PPP2R5C: variants seen among roughly 807,000 people sequenced by gnomAD.
The protein encoded by PPP2R5C is protein phosphatase 2 regulatory subunit B'gamma.
PPP2R5C carries 7 observed loss-of-function variants against 68.9 expected under a neutral mutation model. That is an observed-to-expected ratio of 0.10 (90% CI 0.06 to 0.19). The LOEUF is 0.19. PPP2R5C is among the 10% of genes least tolerant of loss of function. The pLI is 1.00. For synonymous variants in PPP2R5C, 210 were observed against 222.2 expected (o/e 0.95, Z 0.49); for missense variants, 348 against 641.3 (o/e 0.54, Z 4.94).
intron 1 of PPP2R5C, chr14:101,819,068 G>T: frequency 1.3e-6 from 2 of 1,550,910 alleles, no homozygotes; most frequent in Non-Finnish European, 1.7e-6. Flanking sequence ...CTTATTTTTG[G>T]TGGGCTTCAA....
chr14:101,884,538 G>A (rs774449730), intron 5 of PPP2R5C, among the ~76,000 whole-genome samples: 5 of 152,220 alleles, frequency 3.3e-5, no homozygotes, highest in Non-Finnish European at 7.3e-5. Context: ...TGTGCACCTC[G>A]GTTAAAGGTT....
intron 2 of PPP2R5C, among the ~76,000 whole-genome samples, chr14:101,871,218 T>G (rs942607771): frequency 7.9e-6 from 1 of 127,068 alleles, no homozygotes; most frequent in African/African-American, 4.1e-5. Context: ...GGTTTTTTTT[T>G]GTTTTGGTTT....
At chr14:101,786,077 A>G (rs1360542497) in exon 3 of PPP2R5C, 9 of 1,558,514 alleles carry the variant, frequency 5.8e-6, no homozygotes, top group Non-Finnish European at 7.8e-6. Context: ...CTGCTAAAAT[A>G]AAAGTACCAG....
intron 1 of PPP2R5C, chr14:101,810,109 A>C: frequency 7.2e-7 from 1 of 1,390,218 alleles, no homozygotes; most frequent in South Asian, 1.2e-5. Context: ...TGCTTCAGAT[A>C]AGAAAAGCAG....
chr14:101,887,869 G>A (rs112306659), intron 5 of PPP2R5C, among the ~76,000 whole-genome samples: 184 of 152,288 alleles, frequency 1.2e-3, no homozygotes, highest in Admixed American at 4.6e-3. Context: ...TCCCAGCTTA[G>A]TGTCTGGGGG....
At position 101,872,274 on chromosome 14, in the gene PPP2R5C, T is replaced by C. The variant is rs866622553; in HGVS notation, c.295-9887T>C. Among the ~76,000 whole-genome samples, 150 of 135,056 alleles carry C rather than the reference T, an allele frequency of 1.1e-3. 1 individual carries two copies. Among genetic ancestry groups the C allele is most frequent in the African/African-American group, 4.4e-3 (148 of 34,014 alleles). The allele number at this position is 135,056 out of a possible 152,430, so 88.6% of individuals were successfully genotyped here. On this transcript the variant is annotated intron_variant, in intron 2 of 13. Coordinates refer to ENST00000334743, the Ensembl canonical transcript of PPP2R5C. The stretch of plus-strand genomic sequence containing the variant: ...GGTCTTGCTCTGTTACCCAGGCCAG[T>C]GTATAGTGGTGCAATCACGGCTCAC...
intron 1 of PPP2R5C, among the ~76,000 whole-genome samples, chr14:101,854,491 A>G (rs1484994495): frequency 1.3e-5 from 2 of 152,244 alleles, no homozygotes; most frequent in Non-Finnish European, 2.9e-5. Context: ...TGACTTGCTC[A>G]GAGTCATACA....
chr14:101,820,117 A>G (rs952899971), intron 1 of PPP2R5C: 13 of 152,228 alleles, frequency 8.5e-5, no homozygotes, highest in African/African-American at 2.7e-4. Context: ...AACAAAAAGC[A>G]GACAAACTGT....
rs116371956 is a variant in PPP2R5C at position 101,877,622 on chromosome 14, C to T, written c.295-4539C>T. On this transcript the variant is annotated intron_variant, in intron 2 of 13. Transcript: ENST00000334743. The surrounding 1 kb of genome is among the most constrained non-coding windows in gnomAD (Gnocchi z 4.2). ...CAGGTTTCTGTACCTGGGGCTCCTG[C>T]CCCTGATTCGCCCCTGCAGCTTTTG... Among the ~76,000 whole-genome samples, 1,936 of 152,256 alleles carry T rather than the reference C, an allele frequency of 0.013. 39 individuals carry two copies. The highest frequency in any genetic ancestry group is 0.038 in the African/African-American group (1,587 of 41,532).
intron 8 of PPP2R5C, among the ~76,000 whole-genome samples, chr14:101,897,596 G>A (rs901106165): frequency 8.6e-5 from 13 of 151,930 alleles, no homozygotes; most frequent in Non-Finnish European, 1.9e-4. Context: ...GTCTTTTCAC[G>A]TTCTTCTGCC....
chr14:101,912,287 G>C (rs1458340576), intron 11 of PPP2R5C, 114 bp from the exon 14 acceptor site: 3 of 761,660 alleles, frequency 3.9e-6, no homozygotes, highest in South Asian at 2.7e-5. Context: ...AATGGAGCAG[G>C]GGGGCTGCGG....
In PPP2R5C at chr14:101,879,664, G is replaced by A. The variant is rs987761659; in HGVS notation, c.295-2497G>A. Among the ~76,000 whole-genome samples the A allele has an allele frequency of 3.3e-5, 5 of 152,162 alleles. No individual in the cohort carries two copies. The highest frequency in any genetic ancestry group is 2.9e-5 in the Non-Finnish European group (2 of 68,030). On this transcript the variant is annotated intron_variant, in intron 2 of 13. Coordinates refer to ENST00000334743, the Ensembl canonical transcript of PPP2R5C. The surrounding 1 kb of genome is among the most constrained non-coding windows in gnomAD (Gnocchi z 4.2). ...GCCGGGCCCACAGCTCTAACCCACC[G>A]AAGAACAAAGTGCCATCTCCCTTTC...
At chr14:101,831,103 G>C (rs2040707137) in intron 1 of PPP2R5C, among the ~76,000 whole-genome samples, 1 of 152,152 alleles carries the variant, frequency 6.6e-6, no homozygotes, top group African/African-American at 2.4e-5. Flanking sequence ...GCTACATGGG[G>C]ACATTAACAG....
intron 3 of PPP2R5C, among the ~76,000 whole-genome samples, chr14:101,802,951 T>TA (rs571594853): frequency 0.018 from 1,753 of 99,734 alleles, 29 homozygotes; most frequent in African/African-American, 0.024. Flanking sequence ...GGCTACTATT[T>TA]AAAAAAAAAA....
chr14:101,791,821 C>T lies in PPP2R5C; in HGVS notation c.259+5638C>T, dbSNP rs536996245. On this transcript the variant is annotated intron_variant, in intron 3 of 14. Transcript: ENST00000328724. ...GTAAACGCAGCTGTTTTATAGCCTG[C>T]GTCAGGTCACACTAGTATCTGAGGT... 5.3e-5 allele frequency among the ~76,000 whole-genome samples: 8 copies of T among 152,146 alleles called. No homozygotes were observed. The South Asian group carries it at 1.0e-3, about 20-fold the overall frequency.
intron 13 of PPP2R5C, among the ~76,000 whole-genome samples, 151 bp from the exon 16 acceptor site, chr14:101,924,976 AATTTCCATGATAAG>A (rs1354423612): frequency 2.0e-5 from 3 of 152,116 alleles, no homozygotes; most frequent in African/African-American, 7.2e-5. Context: ...ATTTTTGGCA[AATTTCCATGATAAG>A]ACCTACGCCG....
At chr14:101,836,793 T>G (rs2041131112) in intron 1 of PPP2R5C, 1 of 167,436 alleles carries the variant, frequency 6.0e-6, no homozygotes, top group African/African-American at 2.4e-5. Flanking sequence ...GCAGATGCAG[T>G]AGAAAAGCAA....
chr14:101,906,111 T>A lies in PPP2R5C; in HGVS notation c.1024-291T>A, dbSNP rs1266513516. ...GGGTGGATAGGTGGAATGGCCTCCTTTGAGTTGTCTCCTCAGCATCTAGCC... is the reference window on the plus strand; with the variant it reads ...GGGTGGATAGGTGGAATGGCCTCCTATGAGTTGTCTCCTCAGCATCTAGCC... On this transcript the variant is annotated intron_variant, in intron 9 of 13. Transcript: ENST00000334743. This position sits in a 1 kb window ranked among gnomAD's most constrained non-coding sequence, Gnocchi z 4.0. Among the ~76,000 whole-genome samples the A allele has an allele frequency of 1.3e-5, 2 of 152,188 alleles. No homozygotes were observed. The highest frequency in any genetic ancestry group is 2.9e-5 in the Non-Finnish European group (2 of 68,040).
At chr14:101,764,515 A>G (rs1469332255) in intron 2 of PPP2R5C, among the ~76,000 whole-genome samples, 1 of 152,150 alleles carries the variant, frequency 6.6e-6, no homozygotes, top group African/African-American at 2.4e-5. Flanking sequence ...TCTCTTTTCT[A>G]TCATTTGGTG....
Sources: gnomAD v4.1 joint callset for allele counts (sites outside exome capture counted in the v4.1 genomes callset) on GRCh38, gnomAD v4.1.1 for gene constraint, Gnocchi (gnomAD v3.1) non-coding constraint, MANE v1.5 for transcripts, NCBI Gene and HGNC (gene_info 2026-07-23, HGNC 2026-07-21) for gene names.